The following FAM227A variants were observed in gnomAD, a reference collection of about 807,000 sequenced individuals.
FAM227A encodes the protein family with sequence similarity 227 member A, also known as protein FAM227A.
In FAM227A, 80 loss-of-function variants were observed where a neutral mutation model predicts 74.7. That is an observed-to-expected ratio of 1.07 (90% CI 0.89 to 1.29). FAM227A has a LOEUF of 1.29. Ranked by LOEUF, FAM227A falls within the 50% of genes most tolerant of loss-of-function variation. The probability of loss-of-function intolerance (pLI) is 0.00; values close to 1 mark genes in which losing one functional copy is unlikely to be tolerated. For synonymous variants in FAM227A, 237 were observed against 241.8 expected, an observed-to-expected ratio of 0.98 and a Z score of 0.19; for missense variants, 654 against 683.4, an observed-to-expected ratio of 0.96 and a Z score of 0.48.
At position 38,583,224 on chromosome 22, in the gene FAM227A, G is replaced by A. The variant is rs530333008; in HGVS notation, c.*2901C>T. 8.0e-5 allele frequency: 24 copies of A among 300,712 alleles called. No homozygotes were observed. Among genetic ancestry groups the A allele is most frequent in the African/African-American group, 5.4e-4 (24 of 44,198 alleles). 18.6% of individuals were successfully genotyped at this position (300,712 alleles called of 1,614,324 possible). On this transcript the variant is annotated 3_prime_UTR_variant, in exon 17 of 17. Coordinates refer to ENST00000535113, the MANE Select transcript of FAM227A (RefSeq NM_001013647.2). The stretch of plus-strand genomic sequence containing the variant: ...TTTCACTCTTGTTACCCAGGCTGGA[G>A]TGCAATGGTGCAATCTCAGCTCACT...
At chr22:38,639,800 G>T in intron 3 of FAM227A, 76 bp from the exon 4 acceptor site, 1 of 993,714 alleles carries the variant, frequency 1.0e-6, no homozygotes, top group Admixed American at 2.0e-5. Flanking sequence ...GGGTCTAGGC[G>T]TTTCCTCTTG....
intron 16 of FAM227A, 97 bp downstream of exon 16, chr22:38,591,338 A>C (rs1291685594): frequency 1.1e-5 from 16 of 1,461,742 alleles, no homozygotes; most frequent in Non-Finnish European, 1.4e-5. Flanking sequence ...AATAAAATAA[A>C]ATAAAATAAT....
chr22:38,648,039 T>C (rs1050272843), intron 2 of FAM227A, among the ~76,000 whole-genome samples: 2 of 152,036 alleles, frequency 1.3e-5, no homozygotes, highest in African/African-American at 4.8e-5. Context: ...GCAGGATGGC[T>C]TGAAGGTAAA....
At position 38,582,201 on chromosome 22, in the gene FAM227A, G is replaced by T. The variant is rs2090716435; in HGVS notation, c.*3924C>A. On this transcript the variant is annotated 3_prime_UTR_variant, in exon 17 of 17. Transcript: ENST00000535113. The stretch of plus-strand genomic sequence containing the variant: ...CCCAAAAGTTTATTTGGGCCTCTTT[G>T]TAACCCCTTCCAGCTTCCCTCCTAT... The T allele has an allele frequency of 6.5e-6, 5 of 771,504 alleles. No individual in the cohort carries two copies. In the South Asian group the frequency reaches 7.4e-5, roughly 11 times the overall value. 47.8% of individuals were successfully genotyped at this position (771,504 alleles called of 1,614,324 possible).
chr22:38,620,036 T>C (rs188408681), intron 11 of FAM227A, among the ~76,000 whole-genome samples, 176 bp downstream of exon 11: 4 of 152,294 alleles, frequency 2.6e-5, no homozygotes, highest in Admixed American at 1.3e-4. Context: ...CTTAGCCACT[T>C]ACCCATGGGA....
chr22:38,582,299 TAAGCA>T lies in FAM227A; in HGVS notation c.*3821_*3825del. ...AAACATACATTTCATCATCAATTCATAAGCAATTCAAAATCAGGACTATAGGATTT... is the reference window on the plus strand; with the variant it reads ...AAACATACATTTCATCATCAATTCATATTCAAAATCAGGACTATAGGATTT... On this transcript the variant is annotated 3_prime_UTR_variant, in exon 17 of 17. Coordinates refer to ENST00000535113, the MANE Select transcript of FAM227A (RefSeq NM_001013647.2). 1 of 1,517,472 alleles carries T rather than the reference TAAGCA, an allele frequency of 6.6e-7. No individual in the cohort carries two copies. Among genetic ancestry groups the T allele is most frequent in the Non-Finnish European group, 8.9e-7 (1 of 1,119,030 alleles). The allele number at this position is 1,517,472 out of a possible 1,614,324, so 94.0% of individuals were successfully genotyped here.
chr22:38,616,467 A>C (rs1327959755), intron 11 of FAM227A, among the ~76,000 whole-genome samples: 1 of 152,068 alleles, frequency 6.6e-6, no homozygotes, highest in Non-Finnish European at 1.5e-5. Context: ...GTTCGAGGCT[A>C]GCCTGGCCAA....
At chr22:38,645,887 G>A (rs953553020) in intron 2 of FAM227A, among the ~76,000 whole-genome samples, 2 of 152,004 alleles carry the variant, frequency 1.3e-5, no homozygotes, top group Non-Finnish European at 2.9e-5. Flanking sequence ...GGGCTCAATC[G>A]ATCCTCCCAC....
chr22:38,609,920 C>T (rs918849259), intron 11 of FAM227A, among the ~76,000 whole-genome samples: 4 of 152,056 alleles, frequency 2.6e-5, no homozygotes, highest in Admixed American at 6.6e-5. Context: ...TACGGGCGCC[C>T]GCCACCACGC....
intron 15 of FAM227A, 59 bp downstream of exon 15, chr22:38,597,145 A>T: frequency 1.3e-6 from 2 of 1,501,822 alleles, no homozygotes; most frequent in Non-Finnish European, 1.8e-6. Context: ...AATGATGATG[A>T]TCGTGTGCTG....
chr22:38,601,250 C>T (rs1225553359), intron 13 of FAM227A, among the ~76,000 whole-genome samples: 3 of 151,950 alleles, frequency 2.0e-5, no homozygotes, highest in Non-Finnish European at 4.4e-5. Context: ...GAGGAGAGGA[C>T]TGGGGTTCCA....
chr22:38,639,611 A>C, intron 4 of FAM227A, 44 bp downstream of exon 4: 1 of 1,542,654 alleles, frequency 6.5e-7, no homozygotes, highest in Non-Finnish European at 8.8e-7. Flanking sequence ...CTAAAAAAAC[A>C]AACCCCATGA....
intron 12 of FAM227A, 38 bp downstream of exon 12, chr22:38,607,351 C>T (rs2091306434): frequency 6.9e-7 from 1 of 1,459,488 alleles, no homozygotes; most frequent in East Asian, 2.5e-5. Flanking sequence ...AATAACTAAG[C>T]CAAAAGCCTA....
At chr22:38,638,235 T>C (rs1477759489) in intron 5 of FAM227A, among the ~76,000 whole-genome samples, 1 of 152,024 alleles carries the variant, frequency 6.6e-6, no homozygotes, top group Non-Finnish European at 1.5e-5. Context: ...TGGGGCCAGA[T>C]TGCTGCAGGG....
intron 13 of FAM227A, among the ~76,000 whole-genome samples, chr22:38,604,139 C>A (rs1419547071): frequency 6.6e-6 from 1 of 152,018 alleles, no homozygotes; most frequent in Non-Finnish European, 1.5e-5. Context: ...CCAGCCTGGC[C>A]AACATGGTGA....
At chr22:38,637,793 T>C (rs1421309693) in intron 5 of FAM227A, among the ~76,000 whole-genome samples, 1 of 152,238 alleles carries the variant, frequency 6.6e-6, no homozygotes, top group Non-Finnish European at 1.5e-5. Context: ...TAAAAGGTGT[T>C]AAGAAGGATA....
intron 13 of FAM227A, among the ~76,000 whole-genome samples, chr22:38,602,558 T>C (rs1176018776): frequency 6.6e-6 from 1 of 152,264 alleles, no homozygotes; most frequent in Non-Finnish European, 1.5e-5. Flanking sequence ...CGACTCTAAG[T>C]AAATTGATTC....
At chr22:38,651,995 T>G (rs1211556069) in intron 1 of FAM227A, among the ~76,000 whole-genome samples, 5 of 149,242 alleles carry the variant, frequency 3.4e-5, no homozygotes. Flanking sequence ...GAGACCAGCC[T>G]GGCCAACGTG....
At chr22:38,643,394 A>G (rs910455254) in intron 3 of FAM227A, among the ~76,000 whole-genome samples, 1 of 152,140 alleles carries the variant, frequency 6.6e-6, no homozygotes, top group Non-Finnish European at 1.5e-5. Flanking sequence ...GCAGACTATA[A>G]ATAAGCACAT....
Sources: allele counts gnomAD v4.1 joint callset (sites outside exome capture counted in the v4.1 genomes callset), GRCh38; gene constraint gnomAD v4.1.1; transcripts MANE v1.5; gene names NCBI Gene and HGNC (gene_info 2026-07-23, HGNC 2026-07-21).